Variants in ASB1 observed in about 807,000 individuals in gnomAD.
ASB1 encodes the protein ankyrin repeat and SOCS box protein 1.
A neutral mutation model predicts 27.7 loss-of-function variants in ASB1; 18 were observed. That is an observed-to-expected ratio of 0.65 (90% CI 0.45 to 0.96). The LOEUF (loss-of-function observed/expected upper bound fraction) is 0.96. Among genes scored for constraint, ASB1 ranks in the 50% least tolerant of loss-of-function variants. The probability of loss-of-function intolerance (pLI) is 0.00; values close to 1 mark genes in which losing one functional copy is unlikely to be tolerated. For synonymous variants in ASB1, 189 were observed against 187.6 expected (o/e 1.01, Z -0.06); for missense variants, 397 against 451.7 (o/e 0.88, Z 1.10).
In ASB1 at chr2:238,447,353, G is replaced by C. The variant is rs999979801; in HGVS notation, c.*842G>C. ...CACGTACCAGAAAGTGAAAAATGCA[G>C]CGAGTCCTCTGGGTGGTTATGAGCC... On this transcript the variant is annotated 3_prime_UTR_variant, in exon 5 of 5. Coordinates refer to ENST00000264607, the MANE Select transcript of ASB1 (RefSeq NM_001040445.3). 47 of 152,834 alleles carry C rather than the reference G, an allele frequency of 3.1e-4. No homozygotes were observed. The highest frequency in any genetic ancestry group is 1.1e-3 in the African/African-American group (47 of 41,462). The allele number at this position is 152,834 out of a possible 1,614,324, so 9.5% of individuals were successfully genotyped here. A position where few individuals can be genotyped will look rare whatever the true frequency, so the allele number is the denominator to read the frequency against.
At chr2:238,436,920 A>T (rs773263846) in intron 3 of ASB1, among the ~76,000 whole-genome samples, 5 of 152,198 alleles carry the variant, frequency 3.3e-5, no homozygotes, top group Admixed American at 6.5e-5. Flanking sequence ...AATTGAACTC[A>T]TAAAAGTTCC....
chr2:238,427,246 G>T (rs1559410841), intron 1 of ASB1, 127 bp downstream of exon 1: 1 of 643,742 alleles, frequency 1.6e-6, no homozygotes, highest in African/African-American at 1.9e-5. Flanking sequence ...CCAGGGAGCC[G>T]CACCCTGCAG....
At chr2:238,433,743 T>C (rs890788115) in intron 2 of ASB1, 48 bp downstream of exon 2, 7 of 1,605,300 alleles carry the variant, frequency 4.4e-6, no homozygotes, top group Non-Finnish European at 5.1e-6. Context: ...GCCCTGAAGG[T>C]CTGTGTGAAG....
At chr2:238,441,903 T>A (rs1702084945) in intron 3 of ASB1, among the ~76,000 whole-genome samples, 1 of 152,248 alleles carries the variant, frequency 6.6e-6, no homozygotes, top group African/African-American at 2.4e-5. Flanking sequence ...ATTGACAGAT[T>A]GCCCACTCCA....
chr2:238,440,646 G>A (rs1460094022), intron 3 of ASB1, among the ~76,000 whole-genome samples: 1 of 152,226 alleles, frequency 6.6e-6, no homozygotes, highest in Non-Finnish European at 1.5e-5. Context: ...CTCATTGACT[G>A]ATCCCTGTTC....
chr2:238,433,790 A>G (rs1399284353), intron 2 of ASB1, 95 bp downstream of exon 2: 3 of 1,418,444 alleles, frequency 2.1e-6, no homozygotes, highest in Admixed American at 4.0e-5. Context: ...GAAGACCTTG[A>G]TGTTGGGAGG....
rs1283431776 is a variant in ASB1 at position 238,427,164 on chromosome 2, C to T, written c.49+45C>T. 5 of 1,210,858 alleles carry T rather than the reference C, an allele frequency of 4.1e-6. No individual in the cohort carries two copies. In the African/African-American group the frequency reaches 4.7e-5, roughly 11 times the overall value. The allele number at this position is 1,210,858 out of a possible 1,614,324, so 75.0% of individuals were successfully genotyped here. A position where few individuals can be genotyped will look rare whatever the true frequency, so the allele number is the denominator to read the frequency against. ...TGGGCCGCGGGGCGTGTGGGGATGG[C>T]GAAGGGCTGGCTCCGGCGTCCCTGC... is the stretch of plus-strand genomic sequence containing the variant. On this transcript the variant is annotated intron_variant, in intron 1 of 4. Transcript: ENST00000264607.
At chr2:238,434,933 C>A (rs868125838) in intron 2 of ASB1, among the ~76,000 whole-genome samples, 1 of 152,240 alleles carries the variant, frequency 6.6e-6, no homozygotes, top group South Asian at 2.1e-4. Context: ...AGAGCCTAGG[C>A]GCAGCTGGCG....
At chr2:238,431,065 G>A (rs1458295733) in intron 1 of ASB1, among the ~76,000 whole-genome samples, 2 of 152,230 alleles carry the variant, frequency 1.3e-5, no homozygotes, top group Admixed American at 1.3e-4. Context: ...TTGACGCTAG[G>A]CATTGCCTTC....
Position 238,435,835 on chromosome 2 carries a change from C to G in ASB1, c.316C>G (p.Leu106Val), listed in dbSNP as rs553675559. 1.2e-6 allele frequency: 2 copies of G among 1,614,252 alleles called. No homozygotes were observed. Among genetic ancestry groups the G allele is most frequent in the African/African-American group, 1.3e-5 (1 of 75,082 alleles). ...FLIRKGAEVD[L>V]VDVKGQTALY... The stretch of plus-strand genomic sequence containing the variant: ...CATCCGGAAGGGGGCCGAGGTGGAT[C>G]TGGTGGACGTAAAAGGACAGACGGC... Residue 106 changes from leucine to valine, a missense_variant, in exon 3 of 5, where the codon CTG becomes GTG. Transcript: ENST00000264607.
Position 238,427,118 on chromosome 2 carries a change from A to T in ASB1, c.48A>T (p.Ala16=). The change falls in exon 1 of 5, where the codon GCA becomes GCT. Residue 16 remains alanine, a splice_region_variant and synonymous_variant. Coordinates refer to ENST00000264607, the MANE Select transcript of ASB1 (RefSeq NM_001040445.3). ...SPDGRAGPGS[A]GRNLKEWLRE... is the part of the protein sequence containing the mutation. ...ACGGGCGGGCAGGGCCGGGCTCCGC[A>T]GGTAACGTGCGCGCGGCCACTGGGC... 8.0e-7 allele frequency: 1 copy of T among 1,250,622 alleles called. No individual in the cohort carries two copies. 77.5% of individuals were successfully genotyped at this position (1,250,622 alleles called of 1,614,324 possible).
chr2:238,427,220 C>G (rs1032022268), intron 1 of ASB1, 101 bp downstream of exon 1: 2 of 926,212 alleles, frequency 2.2e-6, no homozygotes, highest in Non-Finnish European at 2.8e-6. Flanking sequence ...CCGGGCTGGC[C>G]GGGTCCACGG....
At chr2:238,427,326 G>C (rs1245231355) in intron 1 of ASB1, 3 of 378,656 alleles carry the variant, frequency 7.9e-6, no homozygotes, top group Non-Finnish European at 1.4e-5. Context: ...CCCTCTCCTC[G>C]GCCTCGAGTG....
chr2:238,444,122 C>T (rs185485496), intron 3 of ASB1, among the ~76,000 whole-genome samples: 80 of 152,288 alleles, frequency 5.3e-4, no homozygotes, highest in African/African-American at 1.9e-3. Context: ...AAGGACTTCC[C>T]TTAGGAATTT....
intron 3 of ASB1, 58 bp from the exon 4 acceptor site, chr2:238,444,284 G>A (rs1702133576): frequency 9.7e-6 from 15 of 1,538,622 alleles, no homozygotes; most frequent in East Asian, 4.5e-5. Flanking sequence ...GGATCTGTGG[G>A]ATCTGTGGGC....
At chr2:238,438,471 A>T (rs1702016320) in intron 3 of ASB1, among the ~76,000 whole-genome samples, 1 of 152,080 alleles carries the variant, frequency 6.6e-6, no homozygotes, top group South Asian at 2.1e-4. Flanking sequence ...AAGTGCTGGG[A>T]TTACGGGCGT....
At chr2:238,427,517 C>T (rs79987491) in intron 1 of ASB1, 1,780 of 170,272 alleles carry the variant, frequency 0.01, 37 homozygotes, top group African/African-American at 0.037. Context: ...CACTTTTTCA[C>T]CATTCTGCCG....
At position 238,450,730 on chromosome 2, in the gene ASB1, G is replaced by A. The variant is rs1702266605; in HGVS notation, c.*4219G>A. ...CCTGGATCCATGGGACACACTCACA[G>A]GAAGCTGATGTGGCCTTCTCGGTGA... On this transcript the variant is annotated 3_prime_UTR_variant, in exon 5 of 5. Coordinates refer to ENST00000264607, the MANE Select transcript of ASB1 (RefSeq NM_001040445.3). The A allele has an allele frequency of 6.6e-6, 1 of 152,276 alleles. No individual in the cohort carries two copies. Among genetic ancestry groups the A allele is most frequent in the African/African-American group, 2.4e-5 (1 of 41,444 alleles). The allele number at this position is 152,276 out of a possible 1,614,324, so 9.4% of individuals were successfully genotyped here. A position where few individuals can be genotyped will look rare whatever the true frequency, so the allele number is the denominator to read the frequency against.
chr2:238,435,898 A>G lies in ASB1; in HGVS notation c.379A>G (p.Thr127Ala). The G allele has an allele frequency of 6.2e-7, 1 of 1,614,148 alleles. No individual in the cohort carries two copies. The highest frequency in any genetic ancestry group is 1.1e-5 in the South Asian group (1 of 91,080). ...TGTGGTGAACGGGCACCTAGAGAGT[A>G]CCCAGATCCTTCTCGAAGCTGGCGC... ...VAVVNGHLES[T>A]QILLEAGADP... Residue 127 changes from threonine to alanine, a missense_variant, in exon 3 of 5, where the codon ACC becomes GCC. Thr to Ala is a moderately conservative substitution (Grantham distance 58). Transcript: ENST00000264607.
Sources: gnomAD v4.1 joint callset for allele counts (sites outside exome capture counted in the v4.1 genomes callset) on GRCh38, gnomAD v4.1.1 for gene constraint, MANE v1.5 for transcripts, NCBI Gene and HGNC (gene_info 2026-07-23, HGNC 2026-07-21) for gene names.